Variants in SLIT2 observed in about 807,000 individuals in gnomAD.
SLIT2 encodes slit guidance ligand 2.
In SLIT2, 41 loss-of-function variants were observed where a neutral mutation model predicts 185.7. The observed-to-expected ratio is 0.22, with a 90% confidence interval of 0.17 to 0.29. The LOEUF is 0.29. Ranked by LOEUF, SLIT2 falls within the 10% of genes least tolerant of loss-of-function variation. SLIT2 has a pLI of 1.00. For synonymous variants in SLIT2, 693 were observed against 680.2 expected, an observed-to-expected ratio of 1.02 and a Z score of -0.29; for missense variants, 1,571 against 1,909.0, an observed-to-expected ratio of 0.82 and a Z score of 3.30.
chr4:20,569,273 T>G, intron 29 of SLIT2: 1 of 391,074 alleles, frequency 2.6e-6, no homozygotes, highest in South Asian at 2.7e-5. Flanking sequence ...AAGCTTTTAG[T>G]CCCACAATTA....
chr4:20,335,614 G>A (rs891637644), intron 4 of SLIT2, among the ~76,000 whole-genome samples: 1 of 152,070 alleles, frequency 6.6e-6, no homozygotes, highest in Non-Finnish European at 1.5e-5. Context: ...CAATTCAGGA[G>A]TCAAGGAACC....
At chr4:20,427,526 T>C (rs1285575558) in intron 4 of SLIT2, among the ~76,000 whole-genome samples, 1 of 152,208 alleles carries the variant, frequency 6.6e-6, no homozygotes, top group Non-Finnish European at 1.5e-5. Context: ...ATGATGTGCT[T>C]ATGAGTATGG....
rs140078059 is a variant in SLIT2, at chr4:20,596,456, G to C, written c.3362G>C (p.Arg1121Pro). The change falls in exon 32 of 37, where the codon CGT becomes CCT. Residue 1121 changes from arginine to proline, a missense_variant. By Grantham distance (103) the Arg-to-Pro change is moderately radical. Transcript: ENST00000504154. ...CEFSPPMVLP[R>P]TSPCDNFDCQ... Reference sequence around the variant, plus strand: ...TTTTCTCCACCCATGGTCCTCCCTCGTACCAGCCCCTGTGATAATTTTGAT... The same window carrying C: ...TTTTCTCCACCCATGGTCCTCCCTCCTACCAGCCCCTGTGATAATTTTGAT... The C allele has an allele frequency of 1.9e-6, 3 of 1,613,714 alleles. No individual in the cohort carries two copies. Among genetic ancestry groups the C allele is most frequent in the Non-Finnish European group, 2.5e-6 (3 of 1,179,930 alleles).
intron 34 of SLIT2, among the ~76,000 whole-genome samples, chr4:20,612,301 C>T (rs1461697775): frequency 6.7e-6 from 1 of 149,140 alleles, no homozygotes; most frequent in Non-Finnish European, 1.5e-5. Context: ...AACATTCCCC[C>T]GCCCCCCGCC....
chr4:20,510,939 A>G (rs1477684549), intron 10 of SLIT2, 127 bp from the exon 11 acceptor site: 5 of 587,458 alleles, frequency 8.5e-6, no homozygotes, highest in East Asian at 5.4e-5. Flanking sequence ...CAGATGTTCA[A>G]TGTTGCACGT....
chr4:20,263,885 C>G (rs1712752589), intron 3 of SLIT2, among the ~76,000 whole-genome samples: 1 of 151,792 alleles, frequency 6.6e-6, no homozygotes, highest in Non-Finnish European at 1.5e-5. Flanking sequence ...ATCTTAGCTG[C>G]TAAAGTGTAT....
chr4:20,596,050 C>T (rs892591029), intron 31 of SLIT2, among the ~76,000 whole-genome samples: 41 of 151,948 alleles, frequency 2.7e-4, no homozygotes, highest in African/African-American at 8.7e-4. Context: ...ACCTCATTTA[C>T]CCCATAAATA....
intron 4 of SLIT2, among the ~76,000 whole-genome samples, chr4:20,376,608 C>T (rs938833334): frequency 2.0e-5 from 3 of 151,946 alleles, no homozygotes; most frequent in Non-Finnish European, 2.9e-5. Context: ...CCCTTTTAGC[C>T]CCTGCAAGAG....
chr4:20,372,791 G>A (rs767659605), intron 4 of SLIT2, among the ~76,000 whole-genome samples: 1 of 152,002 alleles, frequency 6.6e-6, no homozygotes, highest in East Asian at 1.9e-4. Context: ...ATTGATTTGG[G>A]TGGTATTATA....
chr4:20,283,351 G>A (rs1714973067), intron 4 of SLIT2, among the ~76,000 whole-genome samples: 1 of 152,162 alleles, frequency 6.6e-6, no homozygotes, highest in African/African-American at 2.4e-5. Flanking sequence ...GGGTGTTGGA[G>A]CCAAAAGCTT....
intron 5 of SLIT2, 22 bp downstream of exon 5, chr4:20,467,845 T>G: frequency 1.6e-6 from 2 of 1,257,910 alleles, no homozygotes; most frequent in South Asian, 1.3e-5. Flanking sequence ...TTTTTAAATT[T>G]ATAGTGTTTT....
At chr4:20,346,330 A>G (rs997520686) in intron 4 of SLIT2, among the ~76,000 whole-genome samples, 17 of 152,154 alleles carry the variant, frequency 1.1e-4, no homozygotes, top group Non-Finnish European at 1.6e-4. Flanking sequence ...ATTCTTGTAT[A>G]TGAGAAGCTG....
chr4:20,357,534 C>T (rs1722422400), intron 4 of SLIT2, among the ~76,000 whole-genome samples: 1 of 151,940 alleles, frequency 6.6e-6, no homozygotes, highest in Non-Finnish European at 1.5e-5. Context: ...TAAATAGATG[C>T]CCCTACATAA....
chr4:20,327,543 T>C (rs1719698043), intron 4 of SLIT2, among the ~76,000 whole-genome samples: 1 of 152,160 alleles, frequency 6.6e-6, no homozygotes, highest in East Asian at 1.9e-4. Flanking sequence ...CTTTTAATAA[T>C]TGGCAAGCAT....
chr4:20,583,791 A>C (rs1363487365), intron 29 of SLIT2, among the ~76,000 whole-genome samples: 2 of 152,048 alleles, frequency 1.3e-5, no homozygotes, highest in Non-Finnish European at 2.9e-5. Context: ...CCTGGGCGAC[A>C]GAATGAGACT....
In SLIT2 at chr4:20,580,410, C is replaced by CGTGT. The variant is rs58904041; in HGVS notation, c.3089-9211_3089-9208dup. 1.0e-3 allele frequency among the ~76,000 whole-genome samples: 149 copies of CGTGT among 148,760 alleles called. 1 individual carries two copies. The highest frequency in any genetic ancestry group is 3.3e-3 in the African/African-American group (132 of 40,418). On this transcript the variant is annotated intron_variant, in intron 29 of 36. Coordinates refer to ENST00000504154, the MANE Select transcript of SLIT2 (RefSeq NM_004787.4). Reference sequence around the variant, plus strand: ...AATGATAGTATATATATATATTATACGTGTGTGTGTGTGTGTGTGTGTGTG... The same window carrying CGTGT: ...AATGATAGTATATATATATATTATACGTGTGTGTGTGTGTGTGTGTGTGTGTGTG...
chr4:20,607,260 C>T (rs1177763903), intron 33 of SLIT2, among the ~76,000 whole-genome samples: 2 of 152,178 alleles, frequency 1.3e-5, no homozygotes, highest in African/African-American at 4.8e-5. Context: ...TATCTCTCAG[C>T]ATTATCCTTG....
chr4:20,328,919 T>C (rs1719826587), intron 4 of SLIT2, among the ~76,000 whole-genome samples: 4 of 151,946 alleles, frequency 2.6e-5, no homozygotes, highest in Admixed American at 1.3e-4. Context: ...TGTCTGCATG[T>C]GGGAGCGTGG....
chr4:20,407,615 C>G (rs951205078), intron 4 of SLIT2, among the ~76,000 whole-genome samples: 1 of 152,152 alleles, frequency 6.6e-6, no homozygotes, highest in Non-Finnish European at 1.5e-5. Context: ...ACAACATCAG[C>G]AAACTCAATT....
Sources: allele counts gnomAD v4.1 joint callset (sites outside exome capture counted in the v4.1 genomes callset), GRCh38; gene constraint gnomAD v4.1.1; transcripts MANE v1.5; gene names NCBI Gene and HGNC (gene_info 2026-07-23, HGNC 2026-07-21).